Variants in SMIM21 observed in about 807,000 individuals in gnomAD.
The protein encoded by SMIM21 is small integral membrane protein 21, also known as chromosome 18 open reading frame 62.
In SMIM21, 8 loss-of-function variants were observed where a neutral mutation model predicts 8.6. The ratio of observed to expected loss-of-function variants is 0.93; its 90% CI spans 0.55 to 1.68. The LOEUF (loss-of-function observed/expected upper bound fraction) is 1.68, where lower values mean the gene tolerates loss of function less well. SMIM21 is among the 40% of genes most tolerant of loss of function. The pLI is 0.00. For missense variants in SMIM21, 132 were observed against 123.0 expected, an observed-to-expected ratio of 1.07 and a Z score of -0.35; for synonymous variants, 43 against 41.7, an observed-to-expected ratio of 1.03 and a Z score of -0.12.
At position 75,419,046 on chromosome 18, in the gene SMIM21, T is replaced by C. The variant is rs917099995; in HGVS notation, c.130-130A>G. On this transcript the variant is annotated intron_variant, in intron 1 of 2. Transcript: ENST00000579022. ...AAATAAGTTTATATATTTAAGGTCG[T>C]GTTTCAGAAGTAAAACCAGAACTGT... 1.1e-4 allele frequency: 58 copies of C among 530,650 alleles called. 1 individual carries two copies. The highest frequency in any genetic ancestry group is 1.2e-4 in the Non-Finnish European group (37 of 312,200). The allele number at this position is 530,650 out of a possible 1,614,324, so 32.9% of individuals were successfully genotyped here.
intron 1 of SMIM21, among the ~76,000 whole-genome samples, chr18:75,426,467 G>T (rs1473127189): frequency 2.0e-5 from 3 of 151,322 alleles, no homozygotes; most frequent in Non-Finnish European, 1.5e-5. Flanking sequence ...CCGCCACCAC[G>T]ACTGGCTAAT....
At chr18:75,426,301 T>C (rs1381224929) in intron 1 of SMIM21, among the ~76,000 whole-genome samples, 1 of 84,066 alleles carries the variant, frequency 1.2e-5, no homozygotes, top group Non-Finnish European at 3.6e-5. Flanking sequence ...ATTTGTTTGT[T>C]TGTTTGTTTG....
intron 1 of SMIM21, among the ~76,000 whole-genome samples, chr18:75,420,893 A>G (rs1224037954): frequency 6.6e-6 from 1 of 152,154 alleles, no homozygotes; most frequent in African/African-American, 2.4e-5. Context: ...GGTATTTGTG[A>G]TATTCCACAA....
intron 2 of SMIM21, among the ~76,000 whole-genome samples, chr18:75,412,114 G>A (rs2024590931): frequency 6.6e-6 from 1 of 152,114 alleles, no homozygotes; most frequent in Non-Finnish European, 1.5e-5. Flanking sequence ...TGTCCCCCAA[G>A]GCTTCCTGAG....
intron 2 of SMIM21, chr18:75,416,391 G>A (rs887967747): frequency 1.3e-5 from 2 of 152,146 alleles, no homozygotes; most frequent in African/African-American, 2.4e-5. Flanking sequence ...TTCTTCCAAT[G>A]AGTTGGATTT....
At chr18:75,412,927 A>C (rs1444584222) in intron 2 of SMIM21, among the ~76,000 whole-genome samples, 1 of 152,104 alleles carries the variant, frequency 6.6e-6, no homozygotes, top group Non-Finnish European at 1.5e-5. Context: ...TTTTCATTCA[A>C]ATCCGAACTC....
At chr18:75,411,543 G>C (rs1445424065) in intron 2 of SMIM21, among the ~76,000 whole-genome samples, 1 of 152,234 alleles carries the variant, frequency 6.6e-6, no homozygotes, top group Non-Finnish European at 1.5e-5. Flanking sequence ...CCTACCCTGA[G>C]ATTGCAGAGG....
rs530955482 is a variant in SMIM21, at chr18:75,410,094, A to G, written c.*770T>C. The G allele has an allele frequency of 2.0e-4, 31 of 152,774 alleles. No homozygotes were observed. Among genetic ancestry groups the G allele is most frequent in the African/African-American group, 7.0e-4 (29 of 41,574 alleles). 9.5% of individuals were successfully genotyped at this position (152,774 alleles called of 1,614,324 possible). A position where few individuals can be genotyped will look rare whatever the true frequency, so the allele number is the denominator to read the frequency against. Reference sequence around the variant, plus strand: ...GAGCTTTAGCACCTTAAGTTGCTCAATTTGATCTCTGCACTCAGGAACAAG... The same window carrying G: ...GAGCTTTAGCACCTTAAGTTGCTCAGTTTGATCTCTGCACTCAGGAACAAG... On this transcript the variant is annotated 3_prime_UTR_variant, in exon 3 of 3. Transcript: ENST00000579022.
Position 75,411,024 on chromosome 18 carries a change from T to A in SMIM21, c.261-115A>T, listed in dbSNP as rs113904028. On this transcript the variant is annotated intron_variant, in intron 2 of 2. Coordinates refer to ENST00000579022, the MANE Select transcript of SMIM21 (RefSeq NM_001037331.3). ...TAATGAACACATTTTAAAATTTAAT[T>A]TTTCCCCCCAAGATTTTGGAGTGTT... 175 of 1,426,148 alleles carry A rather than the reference T, an allele frequency of 1.2e-4. 1 individual carries two copies. In the African/African-American group the frequency reaches 2.1e-3, roughly 17 times the overall value. The allele number at this position is 1,426,148 out of a possible 1,614,324, so 88.3% of individuals were successfully genotyped here.
At chr18:75,422,001 T>A (rs2024713321) in intron 1 of SMIM21, among the ~76,000 whole-genome samples, 1 of 151,994 alleles carries the variant, frequency 6.6e-6, no homozygotes, top group South Asian at 2.1e-4. Context: ...CAATATGACG[T>A]GATTGGGGTT....
At position 75,418,813 on chromosome 18, in the gene SMIM21, C is replaced by T. The variant is rs773281758; in HGVS notation, c.233G>A (p.Trp78Ter). 1 of 1,611,284 alleles carries T rather than the reference C, an allele frequency of 6.2e-7. No homozygotes were observed. The highest frequency in any genetic ancestry group is 1.1e-5 in the South Asian group (1 of 90,620). ...HSRIQGVSED[W>*]KRANSIFRNF... Reference sequence around the variant, plus strand: ...TCGAAATATGCTGTTGGCCCTTTTCCAGTCTTCAGAAACCCCTTGTATCCT... The same window carrying T: ...TCGAAATATGCTGTTGGCCCTTTTCTAGTCTTCAGAAACCCCTTGTATCCT... The change falls in exon 2 of 3, where the codon TGG becomes TAG. Residue 78 changes from tryptophan (W) to a stop codon, truncating the protein, a stop_gained. Transcript: ENST00000579022. LOFTEE classifies it low-confidence loss of function (END_TRUNC).
chr18:75,424,816 G>A (rs2024744618), intron 1 of SMIM21, among the ~76,000 whole-genome samples: 1 of 152,184 alleles, frequency 6.6e-6, no homozygotes, highest in Admixed American at 6.5e-5. Flanking sequence ...CTCATTCCCA[G>A]ACTCAGGCTA....
chr18:75,416,012 A>G (rs2024640144), intron 2 of SMIM21: 1 of 152,248 alleles, frequency 6.6e-6, no homozygotes, highest in African/African-American at 2.4e-5. Context: ...AAATCCCTGT[A>G]CATATACCTT....
At chr18:75,425,566 TTTA>T (rs1466057647) in intron 1 of SMIM21, among the ~76,000 whole-genome samples, 2 of 152,194 alleles carry the variant, frequency 1.3e-5, no homozygotes, top group Admixed American at 1.3e-4. Context: ...CATCATATGA[TTTA>T]TTATTAAGTG....
rs549010134 is a variant in SMIM21 at position 75,418,841 on chromosome 18, T to A, written c.205A>T (p.Ser69Cys). The A allele has an allele frequency of 1.8e-5, 29 of 1,613,152 alleles. No homozygotes were observed. Among genetic ancestry groups the A allele is most frequent in the Admixed American group, 1.3e-4 (8 of 60,020 alleles). The change falls in exon 2 of 3, where the codon AGC becomes TGC. Residue 69 changes from serine (S) to cysteine (C), a missense_variant. By Grantham distance (112) the Ser-to-Cys change is moderately radical. Coordinates refer to ENST00000579022, the MANE Select transcript of SMIM21 (RefSeq NM_001037331.3). Reference protein sequence around the residue: ...FHVMVLLRNHSRIQGVSEDWK... With the variant: ...FHVMVLLRNHCRIQGVSEDWK... ...TCTTCAGAAACCCCTTGTATCCTGC[T>A]ATGATTCCTCAGCAACACCATCACA...
intron 2 of SMIM21, among the ~76,000 whole-genome samples, chr18:75,415,265 A>G (rs928569035): frequency 5.3e-5 from 8 of 152,178 alleles, no homozygotes; most frequent in African/African-American, 1.9e-4. Context: ...GGGACTTAAC[A>G]GCTGCCCAGA....
chr18:75,420,721 A>G (rs944381569), intron 1 of SMIM21, among the ~76,000 whole-genome samples: 1 of 152,152 alleles, frequency 6.6e-6, no homozygotes, highest in African/African-American at 2.4e-5. Flanking sequence ...GAAGCCAAGG[A>G]GTTGCTTGGG....
chr18:75,426,631 TAA>T (rs777676195), intron 1 of SMIM21, among the ~76,000 whole-genome samples: 65 of 89,208 alleles, frequency 7.3e-4, no homozygotes, highest in African/African-American at 2.7e-3. Context: ...TTTTAAAATG[TAA>T]AAAAAAAAAA....
intron 1 of SMIM21, among the ~76,000 whole-genome samples, chr18:75,427,208 A>G (rs568654339): frequency 1.3e-5 from 2 of 152,094 alleles, no homozygotes; most frequent in Admixed American, 6.5e-5. Flanking sequence ...ACCTTTTCTG[A>G]AAGGGGCAGC....
Sources: allele counts gnomAD v4.1 joint callset (sites outside exome capture counted in the v4.1 genomes callset), GRCh38; gene constraint gnomAD v4.1.1; transcripts MANE v1.5; gene names NCBI Gene and HGNC (gene_info 2026-07-23, HGNC 2026-07-21).